The following RPL28 variants were observed in gnomAD, a reference collection of about 807,000 sequenced individuals.
RPL28 encodes ribosomal protein L28.
RPL28 carries 4 observed loss-of-function variants against 12.5 expected under a neutral mutation model. The ratio of observed to expected loss-of-function variants is 0.32; its 90% CI spans 0.16 to 0.73. RPL28 has a LOEUF of 0.73. Among genes scored for constraint, RPL28 ranks in the 30% least tolerant of loss-of-function variants. RPL28 has a pLI of 0.66. For synonymous variants in RPL28, 91 were observed against 72.5 expected, an observed-to-expected ratio of 1.26 and a Z score of -1.30; for missense variants, 214 against 197.7, an observed-to-expected ratio of 1.08 and a Z score of -0.49.
chr19:55,388,060 TTTGGGGATCAGGC>T lies in RPL28; in HGVS notation c.324+20_324+32del, dbSNP rs1225883176. ...CCGACCTGCGCATGGTGAGCTGGGG[TTTGGGGATCAGGC>T]TTGGGGAGACTGGCCAGTGCTGTGG... is the stretch of plus-strand genomic sequence containing the variant. On this transcript the variant is annotated intron_variant, in intron 4 of 4. Transcript: ENST00000344063. 1.2e-6 allele frequency: 2 copies of T among 1,613,034 alleles called. No individual in the cohort carries two copies. Among genetic ancestry groups the T allele is most frequent in the Admixed American group, 3.3e-5 (2 of 59,862 alleles).
rs969515128 is a variant in RPL28, at chr19:55,389,644, T to A, written c.*1312T>A. ...CAGACCACTGCCCTTCCGACCTCAGTCCTGTCTGCTCCAGTCTTGCCCAGC... is the reference window on the plus strand; with the variant it reads ...CAGACCACTGCCCTTCCGACCTCAGACCTGTCTGCTCCAGTCTTGCCCAGC... On this transcript the variant is annotated 3_prime_UTR_variant, in exon 5 of 5. Coordinates refer to ENST00000344063, the MANE Select transcript of RPL28 (RefSeq NM_000991.5). 7.1e-6 allele frequency: 7 copies of A among 985,362 alleles called. No individual in the cohort carries two copies. In the African/African-American group the frequency reaches 1.2e-4, roughly 17 times the overall value. The allele number at this position is 985,362 out of a possible 1,614,324, so 61.0% of individuals were successfully genotyped here. A position where few individuals can be genotyped will look rare whatever the true frequency, so the allele number is the denominator to read the frequency against.
chr19:55,389,859 G>T lies in RPL28; in HGVS notation c.*1527G>T, dbSNP rs1415284435. The T allele has an allele frequency of 2.8e-5, 28 of 985,090 alleles. No homozygotes were observed. Among genetic ancestry groups the T allele is most frequent in the Non-Finnish European group, 3.0e-5 (25 of 829,844 alleles). The allele number at this position is 985,090 out of a possible 1,614,324, so 61.0% of individuals were successfully genotyped here. ...TCCCACTCAGGCCCACCTCCAGCTG[G>T]CCTCACTCCGCTGGTGACTTCGTAC... On this transcript the variant is annotated 3_prime_UTR_variant, in exon 5 of 5. Transcript: ENST00000344063.
Position 55,391,879 on chromosome 19 carries a change from C to T in RPL28, c.*3547C>T, listed in dbSNP as rs2089993421. On this transcript the variant is annotated 3_prime_UTR_variant, in exon 5 of 5. Transcript: ENST00000344063. The stretch of plus-strand genomic sequence containing the variant: ...CAAGCACCTGGAAGACATGCCAGAT[C>T]CATGTGCAGTAATGCCTGGTGGCTC... 1 of 1,369,202 alleles carries T rather than the reference C, an allele frequency of 7.3e-7. No individual in the cohort carries two copies. The highest frequency in any genetic ancestry group is 9.5e-7 in the Non-Finnish European group (1 of 1,055,428). 84.8% of individuals were successfully genotyped at this position (1,369,202 alleles called of 1,614,324 possible). A position where few individuals can be genotyped will look rare whatever the true frequency, so the allele number is the denominator to read the frequency against.
At chr19:55,397,348 A>G (rs922572778) in intron 4 of RPL28, among the ~76,000 whole-genome samples, 2 of 152,216 alleles carry the variant, frequency 1.3e-5, no homozygotes, top group Non-Finnish European at 2.9e-5. Context: ...TAAATATACA[A>G]GCATGTTTCT....
chr19:55,387,076 G>C, intron 3 of RPL28: 1 of 1,424,422 alleles, frequency 7.0e-7, no homozygotes, highest in East Asian at 2.5e-5. Flanking sequence ...CCACACTTAG[G>C]AGGGGACAGG....
At chr19:55,394,764 C>T (rs924954686), downstream of RPL28, among the ~76,000 whole-genome samples, 2 of 151,802 alleles carry the variant, frequency 1.3e-5, no homozygotes, top group East Asian at 1.9e-4. Context: ...TGTAGAGACA[C>T]GATCTCACTA....
Position 55,388,388 on chromosome 19 carries a change from G to T in RPL28, c.*56G>T, listed in dbSNP as rs2123280891. On this transcript the variant is annotated 3_prime_UTR_variant, in exon 5 of 5. Coordinates refer to ENST00000344063, the MANE Select transcript of RPL28 (RefSeq NM_000991.5). ...TGGCTTTCTCACCTGCCTCGACTGGGCCTCCCTTTTTGAAACGCTCTGGGG... is the reference window on the plus strand; with the variant it reads ...TGGCTTTCTCACCTGCCTCGACTGGTCCTCCCTTTTTGAAACGCTCTGGGG... 7.0e-7 allele frequency: 1 copy of T among 1,429,474 alleles called. No homozygotes were observed. Among genetic ancestry groups the T allele is most frequent in the Middle Eastern group, 2.6e-4 (1 of 3,856 alleles). 88.5% of individuals were successfully genotyped at this position (1,429,474 alleles called of 1,614,324 possible).
intron 3 of RPL28, chr19:55,386,958 G>T: frequency 6.9e-7 from 1 of 1,452,784 alleles, no homozygotes; most frequent in Non-Finnish European, 9.0e-7. Context: ...GTTAAGGCAC[G>T]GGGTTGATGT....
Position 55,391,874 on chromosome 19 carries a change from C to G in RPL28, c.*3542C>G. On this transcript the variant is annotated 3_prime_UTR_variant, in exon 5 of 5. Transcript: ENST00000344063. ...TTTCCCAAGCACCTGGAAGACATGC[C>G]AGATCCATGTGCAGTAATGCCTGGT... is the stretch of plus-strand genomic sequence containing the variant. The G allele has an allele frequency of 1.4e-6, 2 of 1,380,224 alleles. No homozygotes were observed. The highest frequency in any genetic ancestry group is 5.4e-5 in the East Asian group (2 of 37,040). 85.5% of individuals were successfully genotyped at this position (1,380,224 alleles called of 1,614,324 possible).
chr19:55,387,649 T>C, intron 3 of RPL28: 7 of 1,389,104 alleles, frequency 5.0e-6, no homozygotes, highest in African/African-American at 1.4e-5. Context: ...GATCAGATCC[T>C]AACTGAAGCG....
At chr19:55,393,373 C>T (rs199840867), downstream of RPL28, among the ~76,000 whole-genome samples, 924 of 152,020 alleles carry the variant, frequency 6.1e-3, 11 homozygotes, top group African/African-American at 0.019. Flanking sequence ...GGCCTCTCTC[C>T]TCCCTGAAGC....
At chr19:55,402,868 A>G (rs1453184017) in intron 4 of RPL28, 4 of 1,274,482 alleles carry the variant, frequency 3.1e-6, no homozygotes, top group Non-Finnish European at 4.3e-6. Flanking sequence ...ATGGCAGGAA[A>G]CCCCAATTCC....
At chr19:55,386,798 G>A in intron 3 of RPL28, 105 bp downstream of exon 3, 2 of 1,607,062 alleles carry the variant, frequency 1.2e-6, no homozygotes, top group Non-Finnish European at 1.7e-6. Flanking sequence ...ATCGCGGCGG[G>A]CATCCCTGGC....
chr19:55,386,844 G>A (rs1435640368), intron 3 of RPL28, 151 bp downstream of exon 3: 5 of 1,565,108 alleles, frequency 3.2e-6, no homozygotes, highest in East Asian at 2.4e-5. Context: ...CTTCCCTCTC[G>A]GCCGACTTGT....
rs1401869923 is a variant in RPL28, at chr19:55,389,087, A to G, written c.*755A>G. ...GTCACCCAAGCTTTCCTGATTGCCC[A>G]GCCCTCTTGTTTCCTTTGGCCTGTT... is the stretch of plus-strand genomic sequence containing the variant. On this transcript the variant is annotated 3_prime_UTR_variant, in exon 5 of 5. Transcript: ENST00000344063. 1.0e-6 allele frequency: 1 copy of G among 985,424 alleles called. No homozygotes were observed. The highest frequency in any genetic ancestry group is 6.1e-5 in the Admixed American group (1 of 16,264). 61.0% of individuals were successfully genotyped at this position (985,424 alleles called of 1,614,324 possible).
Position 55,391,621 on chromosome 19 carries a change from C to T in RPL28, c.*3289C>T. 1.3e-6 allele frequency: 2 copies of T among 1,547,176 alleles called. No individual in the cohort carries two copies. The highest frequency in any genetic ancestry group is 1.7e-4 in the Middle Eastern group (1 of 5,972). ...GCTGTGCAACCTTGGGCAAGTTCCT[C>T]AACCTCTCTGTGTCTTCGTACCCTC... On this transcript the variant is annotated 3_prime_UTR_variant, in exon 5 of 5. Transcript: ENST00000344063.
At chr19:55,398,388 A>G (rs918215500) in intron 4 of RPL28, among the ~76,000 whole-genome samples, 2 of 152,230 alleles carry the variant, frequency 1.3e-5, no homozygotes, top group Non-Finnish European at 2.9e-5. Context: ...ACTTGACTAC[A>G]AAGTTTCAAA....
intron 4 of RPL28, chr19:55,401,081 CAA>C (rs1390326890): frequency 3.5e-6 from 1 of 284,594 alleles, no homozygotes; most frequent in South Asian, 5.2e-5. Context: ...AATCTGACTC[CAA>C]AGAGGGGTTG....
Position 55,386,681 on chromosome 19 carries a change from A to G in RPL28, c.193A>G (p.Lys65Glu). ...CGGCAAAGGTGTCGTGGTGGTCATT[A>G]AGCGGAGATCCGGTGAGTTTTGTCT... ...ADGKGVVVVI[K>E]RRSGQRKPAT... Residue 65 changes from lysine (K) to glutamate (E), a missense_variant, in exon 3 of 5, where the codon AAG becomes GAG. Lys to Glu is a moderately conservative substitution (Grantham distance 56). Transcript: ENST00000344063. The G allele has an allele frequency of 6.2e-7, 1 of 1,614,130 alleles. No individual in the cohort carries two copies. The highest frequency in any genetic ancestry group is 8.5e-7 in the Non-Finnish European group (1 of 1,180,002).
Sources: allele counts gnomAD v4.1 joint callset (sites outside exome capture counted in the v4.1 genomes callset), GRCh38; gene constraint gnomAD v4.1.1; transcripts MANE v1.5; gene names NCBI Gene and HGNC (gene_info 2026-07-23, HGNC 2026-07-21).